RANBP3L: variants seen among roughly 807,000 people sequenced by gnomAD.
RANBP3L encodes ran-binding protein 3-like.
In RANBP3L, 56 loss-of-function variants were observed where a neutral mutation model predicts 67.2. The observed-to-expected ratio is 0.83, with a 90% confidence interval of 0.67 to 1.04. The LOEUF is 1.04. Among genes scored for constraint, RANBP3L ranks in the 50% least tolerant of loss-of-function variants. The pLI, the probability that RANBP3L is intolerant of heterozygous loss-of-function variation, is 0.00. For synonymous variants in RANBP3L, 164 were observed against 181.4 expected, an observed-to-expected ratio of 0.90 and a Z score of 0.77; for missense variants, 496 against 535.5, an observed-to-expected ratio of 0.93 and a Z score of 0.73.
At chr5:36,270,102 CT>C (rs1750103868) in intron 2 of RANBP3L, 112 bp from the exon 3 acceptor site, 3 of 880,514 alleles carry the variant, frequency 3.4e-6, no homozygotes, top group African/African-American at 3.3e-5. Context: ...ATTGCAATTA[CT>C]TTTGCACCAA....
intron 1 of RANBP3L, among the ~76,000 whole-genome samples, chr5:36,282,377 A>G (rs1212604036): frequency 6.6e-6 from 1 of 152,222 alleles, no homozygotes; most frequent in East Asian, 1.9e-4. Context: ...GACACAAAAT[A>G]TCATATCAGT....
chr5:36,291,093 A>C (rs1042049757), intron 1 of RANBP3L, among the ~76,000 whole-genome samples: 17 of 151,852 alleles, frequency 1.1e-4, no homozygotes, highest in African/African-American at 3.6e-4. Context: ...GTATCATTTT[A>C]ACCATTTGTA....
intron 1 of RANBP3L, among the ~76,000 whole-genome samples, chr5:36,272,362 C>A (rs1200621175): frequency 6.6e-6 from 1 of 152,180 alleles, no homozygotes; most frequent in Non-Finnish European, 1.5e-5. Flanking sequence ...AGTATAGCAA[C>A]CATTACCAAC....
chr5:36,271,688 G>A (rs539722540), intron 1 of RANBP3L, among the ~76,000 whole-genome samples: 129 of 152,244 alleles, frequency 8.5e-4, no homozygotes, highest in African/African-American at 3.0e-3. Context: ...TCTAGGAGTA[G>A]TACTTCCACT....
intron 1 of RANBP3L, among the ~76,000 whole-genome samples, chr5:36,275,837 T>C (rs1199277309): frequency 6.6e-6 from 1 of 152,048 alleles, no homozygotes. Context: ...TCTCTGGGGA[T>C]CAAGAAAAGG....
chr5:36,295,390 G>T (rs147061435), intron 1 of RANBP3L, among the ~76,000 whole-genome samples: 1 of 151,966 alleles, frequency 6.6e-6, no homozygotes, highest in African/African-American at 2.4e-5. Flanking sequence ...GTCTTTGCTC[G>T]TCACTTCTCC....
At chr5:36,278,618 T>C (rs1750761953) in intron 1 of RANBP3L, among the ~76,000 whole-genome samples, 1 of 152,170 alleles carries the variant, frequency 6.6e-6, no homozygotes, top group Admixed American at 6.6e-5. Flanking sequence ...TGGGATGTTC[T>C]GAGTAAGCTC....
At position 36,264,965 on chromosome 5, in the gene RANBP3L, A is replaced by T; in HGVS notation, c.474T>A (p.Asn158Lys). 6.2e-7 allele frequency: 1 copy of T among 1,611,598 alleles called. No individual in the cohort carries two copies. The highest frequency in any genetic ancestry group is 8.5e-7 in the Non-Finnish European group (1 of 1,179,244). Residue 158 changes from asparagine (N) to lysine (K), a missense_variant, in exon 6 of 14, where the codon AAT becomes AAA. Asn to Lys is a moderately conservative substitution (Grantham distance 94). Coordinates refer to ENST00000296604, the MANE Select transcript of RANBP3L (RefSeq NM_145000.5). ...TTATCCTGGGCTTTCTCACCTTATTATTTGTTTTTTCTTTAGTCTTGCAAG... is the reference window on the plus strand; with the variant it reads ...TTATCCTGGGCTTTCTCACCTTATTTTTTGTTTTTTCTTTAGTCTTGCAAG... ...LESCKTKEKT[N>K]NKISEGNSYL...
At chr5:36,250,020 A>G (rs1002718568) in intron 13 of RANBP3L, among the ~76,000 whole-genome samples, 3 of 151,950 alleles carry the variant, frequency 2.0e-5, no homozygotes, top group Non-Finnish European at 4.4e-5. Flanking sequence ...GGGGGTTCAT[A>G]TGATTGACAT....
intron 8 of RANBP3L, among the ~76,000 whole-genome samples, chr5:36,260,374 A>AC (rs1749291326): frequency 6.6e-6 from 1 of 151,510 alleles, no homozygotes; most frequent in Admixed American, 6.6e-5. Context: ...AAAAAAAAAA[A>AC]AAAAAACCAA....
chr5:36,282,383 T>A (rs1051583743), intron 1 of RANBP3L, among the ~76,000 whole-genome samples: 2 of 152,196 alleles, frequency 1.3e-5, no homozygotes, highest in Non-Finnish European at 2.9e-5. Flanking sequence ...AAATATCATA[T>A]CAGTAAGAAC....
At chr5:36,295,673 G>GTTTTTT (rs11318481) in intron 1 of RANBP3L, among the ~76,000 whole-genome samples, 1 of 120,556 alleles carries the variant, frequency 8.3e-6, no homozygotes. Context: ...GTTATATCCT[G>GTTTTTT]TTTTTTTTTT....
intron 8 of RANBP3L, among the ~76,000 whole-genome samples, chr5:36,260,434 A>T (rs367827055): frequency 2.6e-5 from 4 of 152,018 alleles, no homozygotes; most frequent in East Asian, 3.8e-4. Context: ...TGACATCGAC[A>T]AACTATTAAA....
At chr5:36,301,248 A>G (rs1420676672) in intron 1 of RANBP3L, 78 bp downstream of exon 1, 21 of 1,091,060 alleles carry the variant, frequency 1.9e-5, no homozygotes, top group Non-Finnish European at 3.0e-5. Context: ...CGGGTCCTTC[A>G]CCAGCCCACC....
intron 4 of RANBP3L, chr5:36,268,377 T>C: frequency 1.7e-6 from 1 of 579,806 alleles, no homozygotes; most frequent in Non-Finnish European, 2.9e-6. Flanking sequence ...TTTAGAAAAA[T>C]CTTTTTATTT....
intron 1 of RANBP3L, among the ~76,000 whole-genome samples, chr5:36,271,903 A>T (rs1579725554): frequency 6.6e-6 from 1 of 152,186 alleles, no homozygotes; most frequent in African/African-American, 2.4e-5. Context: ...GTATTTTCTT[A>T]TCTTAGATAT....
intron 1 of RANBP3L, among the ~76,000 whole-genome samples, chr5:36,292,428 G>T (rs1751861425): frequency 6.6e-6 from 1 of 152,002 alleles, no homozygotes; most frequent in African/African-American, 2.4e-5. Context: ...GTCAATTTTG[G>T]CTTTTGTTGC....
intron 1 of RANBP3L, among the ~76,000 whole-genome samples, chr5:36,292,484 C>G (rs1430517528): frequency 8.5e-5 from 13 of 152,232 alleles, no homozygotes; most frequent in East Asian, 7.7e-4. Flanking sequence ...CCATGCCTAT[C>G]TCCTGAATGG....
At chr5:36,289,231 A>G (rs149179181) in intron 1 of RANBP3L, among the ~76,000 whole-genome samples, 27 of 152,240 alleles carry the variant, frequency 1.8e-4, no homozygotes, top group Middle Eastern at 3.4e-3. Context: ...CAATGTACTA[A>G]TAGATCAATT....
Sources: allele counts gnomAD v4.1 joint callset (sites outside exome capture counted in the v4.1 genomes callset), GRCh38; gene constraint gnomAD v4.1.1; transcripts MANE v1.5; gene names NCBI Gene and HGNC (gene_info 2026-07-23, HGNC 2026-07-21).